Variants in FHIT observed in about 807,000 individuals in gnomAD.
FHIT encodes bis(5'-adenosyl)-triphosphatase.
FHIT carries 19 observed loss-of-function variants against 17.9 expected under a neutral mutation model. The ratio of observed to expected loss-of-function variants is 1.06; its 90% CI spans 0.74 to 1.56. The LOEUF is 1.56. Among genes scored for constraint, FHIT ranks in the 40% most tolerant of loss-of-function variants. The probability of loss-of-function intolerance (pLI) is 0.00; values close to 1 mark genes in which losing one functional copy is unlikely to be tolerated. For synonymous variants in FHIT, 81 were observed against 69.7 expected (o/e 1.16, Z -0.81); for missense variants, 248 against 189.2 (o/e 1.31, Z -1.82).
At chr3:61,030,196 C>A (rs1352917492) in intron 3 of FHIT, among the ~76,000 whole-genome samples, 1 of 152,184 alleles carries the variant, frequency 6.6e-6, no homozygotes, top group East Asian at 1.9e-4. Flanking sequence ...TCTTGAACTC[C>A]TGGCCTCAAG....
intron 5 of FHIT, among the ~76,000 whole-genome samples, chr3:60,320,907 G>A (rs1426551679): frequency 6.6e-6 from 1 of 152,092 alleles, no homozygotes; most frequent in East Asian, 1.9e-4. Context: ...AAATCGTAAT[G>A]ATCACTATTT....
intron 4 of FHIT, among the ~76,000 whole-genome samples, chr3:60,788,727 T>G (rs541977238): frequency 1.3e-5 from 2 of 152,280 alleles, no homozygotes; most frequent in South Asian, 4.1e-4. Flanking sequence ...GTGGTGACAC[T>G]TCATGCAAAT....
chr3:60,355,991 T>A (rs1699638739), intron 5 of FHIT, among the ~76,000 whole-genome samples: 1 of 152,216 alleles, frequency 6.6e-6, no homozygotes, highest in Non-Finnish European at 1.5e-5. Flanking sequence ...TGTAAAGGGC[T>A]TGTATCAATG....
intron 1 of FHIT, among the ~76,000 whole-genome samples, chr3:61,228,287 G>A (rs2040018562): frequency 1.3e-5 from 2 of 152,124 alleles, no homozygotes; most frequent in African/African-American, 4.8e-5. Flanking sequence ...GACACCAGAA[G>A]GAAAGTAACA....
chr3:60,070,043 T>C (rs1576025686), intron 5 of FHIT, among the ~76,000 whole-genome samples: 1 of 152,172 alleles, frequency 6.6e-6, no homozygotes, highest in Non-Finnish European at 1.5e-5. Flanking sequence ...CCCTACATGC[T>C]TTTATTGCTC....
intron 7 of FHIT, among the ~76,000 whole-genome samples, chr3:59,979,137 G>A (rs1235245647): frequency 1.3e-5 from 2 of 152,074 alleles, no homozygotes; most frequent in Admixed American, 6.6e-5. Flanking sequence ...GCCTAAAAAT[G>A]TCACACTGAG....
intron 5 of FHIT, among the ~76,000 whole-genome samples, chr3:60,018,535 A>C (rs561349389): frequency 6.6e-6 from 1 of 152,318 alleles, no homozygotes; most frequent in Admixed American, 6.5e-5. Context: ...CAACATGAAG[A>C]AAGAACTAAG....
chr3:60,846,512 C>T (rs1341868725), intron 3 of FHIT, among the ~76,000 whole-genome samples: 3 of 152,216 alleles, frequency 2.0e-5, no homozygotes, highest in Non-Finnish European at 4.4e-5. Flanking sequence ...TCACTTTAAT[C>T]ACCTGTAGGG....
At chr3:59,912,517 A>G (rs1704928742) in intron 8 of FHIT, among the ~76,000 whole-genome samples, 1 of 152,164 alleles carries the variant, frequency 6.6e-6, no homozygotes, top group African/African-American at 2.4e-5. Context: ...GCTTACTAAG[A>G]GAAACAATTT....
At chr3:60,670,274 A>G (rs1389759117) in intron 4 of FHIT, among the ~76,000 whole-genome samples, 1 of 152,228 alleles carries the variant, frequency 6.6e-6, no homozygotes, top group Non-Finnish European at 1.5e-5. Flanking sequence ...AGTAAAAAAT[A>G]GGATTTCCTA....
At chr3:60,133,032 C>CTA (rs1699662413) in intron 5 of FHIT, among the ~76,000 whole-genome samples, 1 of 152,062 alleles carries the variant, frequency 6.6e-6, no homozygotes, top group African/African-American at 2.4e-5. Flanking sequence ...GACTGTACAC[C>CTA]TACCGAAACA....
intron 5 of FHIT, among the ~76,000 whole-genome samples, chr3:60,148,204 T>C (rs528165072): frequency 2.0e-5 from 3 of 152,316 alleles, no homozygotes; most frequent in Admixed American, 2.0e-4. Flanking sequence ...ATGGCAGTTA[T>C]TTCCTCAGTG....
chr3:60,722,794 C>T (rs1268791825), intron 4 of FHIT, among the ~76,000 whole-genome samples: 1 of 148,118 alleles, frequency 6.8e-6, no homozygotes, highest in African/African-American at 2.5e-5. Context: ...GCGATCTCGG[C>T]TCATTGCCAC....
intron 2 of FHIT, among the ~76,000 whole-genome samples, chr3:61,134,691 G>T (rs1040691771): frequency 4.6e-5 from 7 of 152,072 alleles, no homozygotes; most frequent in Non-Finnish European, 1.0e-4. Context: ...GATGACTCCA[G>T]GAAGCAGAGA....
chr3:60,108,054 G>A (rs1704504288), intron 5 of FHIT, among the ~76,000 whole-genome samples: 1 of 152,168 alleles, frequency 6.6e-6, no homozygotes, highest in African/African-American at 2.4e-5. Context: ...TCACATATAT[G>A]TTAGTTTGGT....
intron 1 of FHIT, among the ~76,000 whole-genome samples, chr3:61,242,315 C>T (rs1377989661): frequency 1.3e-5 from 2 of 152,040 alleles, no homozygotes; most frequent in Admixed American, 1.3e-4. Context: ...CCTCTGCCCT[C>T]CTCCATCTAG....
intron 5 of FHIT, among the ~76,000 whole-genome samples, chr3:60,514,959 A>C (rs2035094870): frequency 6.6e-6 from 1 of 151,812 alleles, no homozygotes; most frequent in African/African-American, 2.4e-5. Flanking sequence ...AATCTGTCAC[A>C]AGAGCATGTG....
At chr3:59,861,871 A>C (rs1256671335) in intron 8 of FHIT, among the ~76,000 whole-genome samples, 1 of 152,220 alleles carries the variant, frequency 6.6e-6, no homozygotes, top group Non-Finnish European at 1.5e-5. Flanking sequence ...AGAAGGAAAA[A>C]AAAATAGTCA....
intron 8 of FHIT, among the ~76,000 whole-genome samples, chr3:59,897,484 C>T (rs1404766137): frequency 6.6e-6 from 1 of 152,188 alleles, no homozygotes; most frequent in African/African-American, 2.4e-5. Flanking sequence ...CTTCCAACTA[C>T]ATCAAGAATC....
Sources: gnomAD v4.1 joint callset for allele counts (sites outside exome capture counted in the v4.1 genomes callset) on GRCh38, gnomAD v4.1.1 for gene constraint, MANE v1.5 for transcripts, NCBI Gene and HGNC (gene_info 2026-07-23, HGNC 2026-07-21) for gene names.